The following SEC13 variants were observed in gnomAD, a reference collection of about 807,000 sequenced individuals.
SEC13 encodes SEC13 homolog, nuclear pore and COPII component.
Under a neutral mutation model 49.2 loss-of-function variants are expected in SEC13, and 25 were observed. That is an observed-to-expected ratio of 0.51 (90% CI 0.37 to 0.71). The LOEUF is 0.71. Ranked by LOEUF, SEC13 falls within the 30% of genes least tolerant of loss-of-function variation. The probability of loss-of-function intolerance (pLI) is 0.00; values close to 1 mark genes in which losing one functional copy is unlikely to be tolerated. For missense variants in SEC13, 383 were observed against 417.6 expected (o/e 0.92, Z 0.72); for synonymous variants, 148 against 163.9 (o/e 0.90, Z 0.74).
Position 10,301,065 on chromosome 3 carries a change from C to G in SEC13, c.*196G>C. 1 of 1,609,854 alleles carries G rather than the reference C, an allele frequency of 6.2e-7. No individual in the cohort carries two copies. Among genetic ancestry groups the G allele is most frequent in the East Asian group, 2.2e-5 (1 of 44,860 alleles). On this transcript the variant is annotated 3_prime_UTR_variant, in exon 9 of 9. Transcript: ENST00000350697. The stretch of plus-strand genomic sequence containing the variant: ...TAGTTTCTTCCTCGTAACATGAGTG[C>G]TTTCAGCTGGACAGTAGATTACAAA...
rs59019332 is a variant in SEC13 at position 10,320,006 on chromosome 3, G to GGAGAGA, written c.3+1038_3+1043dup. ...GGGAGTGGGGAGAGAGGGAGGGTGGGGAGAGAGAGAGAGAGAGAGAGAACT... is the reference window on the plus strand; with the variant it reads ...GGGAGTGGGGAGAGAGGGAGGGTGGGGAGAGAGAGAGAGAGAGAGAGAGAGAGAACT... On this transcript the variant is annotated intron_variant, in intron 1 of 8. Coordinates refer to ENST00000350697, the MANE Select transcript of SEC13 (RefSeq NM_183352.3). 3.8e-4 allele frequency among the ~76,000 whole-genome samples: 39 copies of GGAGAGA among 103,200 alleles called. No individual in the cohort carries two copies. In the East Asian group the frequency reaches 4.3e-3, roughly 11 times the overall value. 67.7% of individuals were successfully genotyped at this position (103,200 alleles called of 152,430 possible).
rs1045434956 is a variant in SEC13, at chr3:10,302,732, C to G, written c.855+1294G>C. Among the ~76,000 whole-genome samples, 37 of 152,218 alleles carry G rather than the reference C, an allele frequency of 2.4e-4. 1 individual carries two copies. The highest frequency in any genetic ancestry group is 8.7e-4 in the African/African-American group (36 of 41,452). ...TGCAGAGGCTCTCAAGATCTGCACA[C>G]CCATGTTCACAGCCACACTATTCGC... On this transcript the variant is annotated intron_variant, in intron 8 of 8. Coordinates refer to ENST00000350697, the MANE Select transcript of SEC13 (RefSeq NM_183352.3).
At chr3:10,314,128 T>C (rs917743866) in intron 3 of SEC13, among the ~76,000 whole-genome samples, 1 of 152,214 alleles carries the variant, frequency 6.6e-6, no homozygotes, top group East Asian at 1.9e-4. Flanking sequence ...TCAACTTTTT[T>C]TTTTTGAGAA....
intron 3 of SEC13, chr3:10,313,143 T>A (rs1272374117): frequency 2.1e-5 from 5 of 234,892 alleles, no homozygotes; most frequent in Admixed American, 4.6e-5. Flanking sequence ...GTCAGCTTCC[T>A]GAGGAGGCAT....
intron 1 of SEC13, chr3:10,319,179 G>C: frequency 6.2e-7 from 1 of 1,613,736 alleles, no homozygotes; most frequent in Non-Finnish European, 8.5e-7. Context: ...AGCCCTGTAG[G>C]TATAAAGTTT....
chr3:10,319,166 A>G, intron 1 of SEC13: 1 of 1,612,996 alleles, frequency 6.2e-7, no homozygotes, highest in Non-Finnish European at 8.5e-7. Context: ...CTTTTCCAGC[A>G]CAAGCCCTGT....
At chr3:10,320,722 T>C (rs1393080699) in intron 1 of SEC13, 18 of 1,196,296 alleles carry the variant, frequency 1.5e-5, no homozygotes, top group Non-Finnish European at 1.7e-5. Context: ...AGGCGGAGAT[T>C]ACGAACAATG....
chr3:10,314,982 C>T (rs954909422), intron 3 of SEC13: 7 of 237,164 alleles, frequency 3.0e-5, no homozygotes, highest in Admixed American at 1.5e-4. Flanking sequence ...GCCTTGCATA[C>T]ACTAGCTGGA....
At chr3:10,320,634 C>T (rs1257072246) in intron 1 of SEC13, 5 of 1,011,760 alleles carry the variant, frequency 4.9e-6, no homozygotes, top group Non-Finnish European at 5.9e-6. Context: ...GTGCAAGAGG[C>T]TCCACGTCTC....
intron 5 of SEC13, 121 bp from the exon 6 acceptor site, chr3:10,305,813 G>A (rs1700838737): frequency 1.9e-6 from 2 of 1,052,578 alleles, no homozygotes; most frequent in East Asian, 2.4e-5. Context: ...AGGCTGACAT[G>A]AAGCACTCAT....
Position 10,315,392 on chromosome 3 carries a change from G to A in SEC13, c.93C>T (p.Cys31=). The A allele has an allele frequency of 6.2e-7, 1 of 1,613,144 alleles. No homozygotes were observed. Among genetic ancestry groups the A allele is most frequent in the Non-Finnish European group, 8.5e-7 (1 of 1,179,838 alleles). Residue 31 remains cysteine, a synonymous_variant, in exon 3 of 9, where the codon TGC becomes TGT. Transcript: ENST00000350697. Reference sequence around the variant, plus strand: ...AGATTTTGACGGACCTGTCTGATGAGCAGGTTGCCAGGCGGGTGCCATAGT... The same window carrying A: ...AGATTTTGACGGACCTGTCTGATGAACAGGTTGCCAGGCGGGTGCCATAGT... ...MDYYGTRLAT[C]SSDRSVKIFD...
chr3:10,301,313 C>G lies in SEC13; in HGVS notation c.917G>C (p.Gly306Ala). The G allele has an allele frequency of 3.1e-6, 5 of 1,614,104 alleles. No individual in the cohort carries two copies. Among genetic ancestry groups the G allele is most frequent in the Non-Finnish European group, 4.2e-6 (5 of 1,180,014 alleles). ...CACTGATGCTGATACGGAGCCCTGG[C>G]CCTTGTTGACATCACTGATGCACAC... The part of the protein sequence containing the change: ...QWVCISDVNK[G>A]QGSVSASVTE... Residue 306 changes from glycine to alanine, a missense_variant, in exon 9 of 9, where the codon GGC becomes GCC. Gly to Ala is a moderately conservative substitution (Grantham distance 60). Coordinates refer to ENST00000350697, the MANE Select transcript of SEC13 (RefSeq NM_183352.3).
intron 1 of SEC13, among the ~76,000 whole-genome samples, chr3:10,319,798 G>T (rs1472276512): frequency 9.1e-4 from 8 of 8,804 alleles, no homozygotes; most frequent in Admixed American, 4.6e-3. Context: ...GAGAGAGAAG[G>T]CGGGGGGGGG....
intron 1 of SEC13, among the ~76,000 whole-genome samples, chr3:10,320,181 C>T (rs2059751524): frequency 6.6e-6 from 1 of 152,280 alleles, no homozygotes; most frequent in Non-Finnish European, 1.5e-5. Flanking sequence ...TCAACTCTAA[C>T]CTGCAGTGGA....
chr3:10,320,311 A>G (rs1045236279), intron 1 of SEC13, among the ~76,000 whole-genome samples: 1 of 152,188 alleles, frequency 6.6e-6, no homozygotes, highest in Non-Finnish European at 1.5e-5. Flanking sequence ...TGTTTCTAAA[A>G]GAATGCATGT....
At chr3:10,313,312 G>C in intron 3 of SEC13, 1 of 406,774 alleles carries the variant, frequency 2.5e-6, no homozygotes, top group Admixed American at 2.5e-5. Context: ...CTCTGGCCCA[G>C]GGAAGGTTTT....
At chr3:10,314,769 A>C (rs1473597607) in intron 3 of SEC13, among the ~76,000 whole-genome samples, 4 of 152,358 alleles carry the variant, frequency 2.6e-5, no homozygotes, top group Middle Eastern at 6.8e-3. Context: ...GTAAATAATC[A>C]CTGAACACGT....
intron 5 of SEC13, 22 bp downstream of exon 5, chr3:10,311,943 G>T (rs1308396755): frequency 6.2e-7 from 1 of 1,614,122 alleles, no homozygotes; most frequent in African/African-American, 1.3e-5. Flanking sequence ...CTCACTGCAC[G>T]AAAGGCAGGG....
intron 3 of SEC13, chr3:10,313,694 G>A: frequency 1.1e-5 from 2 of 186,346 alleles, no homozygotes; most frequent in South Asian, 1.1e-4. Context: ...TTTACTAAGG[G>A]GAAAAAAGAA....
Sources: gnomAD v4.1 joint callset for allele counts (sites outside exome capture counted in the v4.1 genomes callset) on GRCh38, gnomAD v4.1.1 for gene constraint, MANE v1.5 for transcripts, NCBI Gene and HGNC (gene_info 2026-07-23, HGNC 2026-07-21) for gene names.